Variants in CIART observed in about 807,000 individuals in gnomAD.
The protein encoded by CIART is circadian-associated transcriptional repressor.
CIART carries 7 observed loss-of-function variants against 22.1 expected under a neutral mutation model. That is an observed-to-expected ratio of 0.32 (90% CI 0.18 to 0.59). The LOEUF (loss-of-function observed/expected upper bound fraction) is 0.59. Among genes scored for constraint, CIART ranks in the 20% least tolerant of loss-of-function variants. CIART has a pLI of 0.86. For missense variants in CIART, 440 were observed against 478.0 expected (o/e 0.92, Z 0.74); for synonymous variants, 163 against 174.6 (o/e 0.93, Z 0.53).
chr1:150,286,962 C>A lies in CIART; in HGVS notation c.*8C>A. 1 of 1,538,332 alleles carries A rather than the reference C, an allele frequency of 6.5e-7. No individual in the cohort carries two copies. Among genetic ancestry groups the A allele is most frequent in the Non-Finnish European group, 8.8e-7 (1 of 1,140,552 alleles). On this transcript the variant is annotated 3_prime_UTR_variant, in exon 5 of 5. Coordinates refer to ENST00000290363, the MANE Select transcript of CIART (RefSeq NM_144697.4). ...CATCTTCTCAACCTCTAGCCCAGGG[C>A]ATACAGCTGTCCACTGTGACTTCTA...
In CIART at chr1:150,286,925, G is replaced by A. The variant is rs1553854827; in HGVS notation, c.1129G>A (p.Ala377Thr). ...REQQRSHPPV[A>T]ADAHLLNL ...GCAGCAGAGAAGCCATCCTCCAGTT[G>A]CTGCTGATGCTCATCTTCTCAACCT... Residue 377 changes from alanine to threonine, a missense_variant, in exon 5 of 5, where the codon GCT becomes ACT. Ala to Thr is a moderately conservative substitution (Grantham distance 58). Coordinates refer to ENST00000290363, the MANE Select transcript of CIART (RefSeq NM_144697.4). 6 of 1,587,090 alleles carry A rather than the reference G, an allele frequency of 3.8e-6. No homozygotes were observed. The highest frequency in any genetic ancestry group is 1.7e-4 in the Middle Eastern group (1 of 5,946).
intron 4 of CIART, 37 bp from the exon 5 acceptor site, chr1:150,286,393 T>C (rs1487936813): frequency 1.3e-6 from 2 of 1,507,150 alleles, no homozygotes; most frequent in Non-Finnish European, 1.8e-6. Context: ...GAATGCTTTC[T>C]CCACATTTCT....
At chr1:150,284,299 G>A (rs587711803) in intron 2 of CIART, 127 bp from the exon 3 acceptor site, 56 of 902,978 alleles carry the variant, frequency 6.2e-5, no homozygotes, top group South Asian at 6.1e-4. Flanking sequence ...GATTACAGGC[G>A]TAAGCCACCT....
chr1:150,284,876 G>GTTGTT, intron 4 of CIART, 168 bp downstream of exon 4: 1 of 561,470 alleles, frequency 1.8e-6, no homozygotes, highest in Non-Finnish European at 3.2e-6. Flanking sequence ...TACATGTTTT[G>GTTGTT]TTGTTGTTGT....
chr1:150,283,665 T>C (rs913923803), intron 1 of CIART, 32 bp downstream of exon 1: 6 of 1,608,770 alleles, frequency 3.7e-6, no homozygotes, highest in Non-Finnish European at 4.3e-6. Flanking sequence ...GAGATTCTCC[T>C]GGAGTGCCTT....
intron 2 of CIART, 46 bp downstream of exon 2, chr1:150,283,926 C>T (rs961138582): frequency 2.1e-6 from 3 of 1,420,922 alleles, no homozygotes; most frequent in African/African-American, 2.8e-5. Flanking sequence ...ATTTCTCTTT[C>T]TCTTTCCCTC....
chr1:150,284,360 G>A lies in CIART; in HGVS notation c.443-66G>A. The A allele has an allele frequency of 2.1e-6, 3 of 1,437,268 alleles. No homozygotes were observed. In the Admixed American group the frequency reaches 5.1e-5, roughly 25 times the overall value. 89.0% of individuals were successfully genotyped at this position (1,437,268 alleles called of 1,614,324 possible). ...GATCAATCAATTTTAACCCCCTTCT[G>A]TTCTTCCTTTACCTGACTACATGCT... On this transcript the variant is annotated intron_variant, in intron 2 of 4. Transcript: ENST00000290363.
At position 150,284,651 on chromosome 1, in the gene CIART, T is replaced by C. The variant is rs1653381521; in HGVS notation, c.576T>C (p.Phe192=). Residue 192 remains phenylalanine, a synonymous_variant, in exon 4 of 5, where the codon TTT becomes TTC. Coordinates refer to ENST00000290363, the MANE Select transcript of CIART (RefSeq NM_144697.4). ...LQVEGMLKTW[F]PQIAAQKSSL... ...TAGAAGGGATGTTAAAGACTTGGTT[T>C]CCACAAATAGCTGCCCAGAAGTCAT... The C allele has an allele frequency of 6.2e-7, 1 of 1,613,964 alleles. No homozygotes were observed. The highest frequency in any genetic ancestry group is 1.3e-5 in the African/African-American group (1 of 74,906).
In CIART at chr1:150,283,465, T is replaced by C; in HGVS notation, c.198T>C (p.His66=). 6.2e-7 allele frequency: 1 copy of C among 1,614,140 alleles called. No individual in the cohort carries two copies. Among genetic ancestry groups the C allele is most frequent in the Non-Finnish European group, 8.5e-7 (1 of 1,180,024 alleles). The part of the protein sequence containing the change: ...RPSPGPIRCR[H]RSKVSGNQHT... ...GCCCGGGTCCTATCCGCTGCAGGCATCGATCGAAGGTTTCCGGTAACCAGC... is the reference window on the plus strand; with the variant it reads ...GCCCGGGTCCTATCCGCTGCAGGCACCGATCGAAGGTTTCCGGTAACCAGC... Residue 66 remains histidine, a synonymous_variant, in exon 1 of 5, where the codon CAT becomes CAC. Coordinates refer to ENST00000290363, the MANE Select transcript of CIART (RefSeq NM_144697.4).
intron 4 of CIART, chr1:150,285,102 G>C: frequency 4.1e-6 from 1 of 243,178 alleles, no homozygotes; most frequent in Non-Finnish European, 8.0e-6. Context: ...TTCTGCCCAC[G>C]TATCCTTGTG....
chr1:150,284,844 CT>C, intron 4 of CIART, 136 bp downstream of exon 4: 1 of 649,328 alleles, frequency 1.5e-6, no homozygotes, highest in South Asian at 1.9e-5. Flanking sequence ...AATTCCTAAA[CT>C]TTCTGCATTG....
chr1:150,283,430 T>C lies in CIART; in HGVS notation c.163T>C (p.Ser55Pro). 1 of 1,614,150 alleles carries C rather than the reference T, an allele frequency of 6.2e-7. No homozygotes were observed. The highest frequency in any genetic ancestry group is 1.7e-4 in the Middle Eastern group (1 of 6,060). ...RPDTVGQRGG[S>P]RPSPGPIRCR... ...AGACACTGTTGGGCAGAGGGGAGGT[T>C]CACGGCCCAGCCCGGGTCCTATCCG... The change falls in exon 1 of 5, where the codon TCA (serine) becomes CCA (proline). Residue 55 changes from serine (S) to proline (P), a missense_variant. Physicochemically the swap from Ser to Pro is moderately conservative, Grantham distance 74. Transcript: ENST00000290363.
chr1:150,285,055 T>C, intron 4 of CIART: 1 of 279,192 alleles, frequency 3.6e-6, no homozygotes. Context: ...CTTTTTTCCC[T>C]ACTGCCCCCA....
At position 150,286,687 on chromosome 1, in the gene CIART, G is replaced by T. The variant is rs782643115; in HGVS notation, c.891G>T (p.Gln297His). 9.9e-6 allele frequency: 16 copies of T among 1,613,956 alleles called. No homozygotes were observed. In the Admixed American group the frequency reaches 2.7e-4, roughly 27 times the overall value. ...GTGIGVILFL[Q>H]HGVQPFTHSA... Reference sequence around the variant, plus strand: ...GCATTGGCGTCATTCTTTTCCTCCAGCATGGAGTGCAACCCTTCACCCACT... The same window carrying T: ...GCATTGGCGTCATTCTTTTCCTCCATCATGGAGTGCAACCCTTCACCCACT... The change falls in exon 5 of 5, where the codon CAG becomes CAT. Residue 297 changes from glutamine (Q) to histidine (H), a missense_variant. Coordinates refer to ENST00000290363, the MANE Select transcript of CIART (RefSeq NM_144697.4).
Sources: allele counts gnomAD v4.1 joint callset, GRCh38; gene constraint gnomAD v4.1.1; transcripts MANE v1.5; gene names NCBI Gene and HGNC (gene_info 2026-07-23, HGNC 2026-07-21).